MYO10: variants seen among roughly 807,000 people sequenced by gnomAD.
MYO10 encodes the protein unconventional myosin-X.
In MYO10, 133 loss-of-function variants were observed where a neutral mutation model predicts 257.3. The observed-to-expected ratio is 0.52, with a 90% confidence interval of 0.45 to 0.60. The LOEUF (loss-of-function observed/expected upper bound fraction) is 0.60, where lower values mean the gene tolerates loss of function less well. MYO10 is among the 20% of genes least tolerant of loss of function. The pLI, the probability that MYO10 is intolerant of heterozygous loss-of-function variation, is 0.00. For missense variants in MYO10, 2,399 were observed against 2,635.7 expected (o/e 0.91, Z 1.97); for synonymous variants, 1,104 against 1,028.6 (o/e 1.07, Z -1.40).
intron 40 of MYO10, among the ~76,000 whole-genome samples, chr5:16,667,308 T>A (rs752329957): frequency 1.6e-4 from 25 of 152,134 alleles, no homozygotes; most frequent in Non-Finnish European, 3.1e-4. Context: ...ACCAGCCACC[T>A]CCTCCAGCTG....
At chr5:16,849,465 TA>T (rs1743736520) in intron 2 of MYO10, among the ~76,000 whole-genome samples, 1 of 152,176 alleles carries the variant, frequency 6.6e-6, no homozygotes, top group South Asian at 2.1e-4. Context: ...AGAAGGGAAT[TA>T]AGTGGATATA....
At chr5:16,768,087 C>G (rs1217668701) in intron 10 of MYO10, among the ~76,000 whole-genome samples, 1 of 152,074 alleles carries the variant, frequency 6.6e-6, no homozygotes, top group Non-Finnish European at 1.5e-5. Flanking sequence ...CTGGGTAGAA[C>G]CAGACATTTG....
At chr5:16,811,635 A>C (rs1320100530) in intron 3 of MYO10, among the ~76,000 whole-genome samples, 2 of 152,018 alleles carry the variant, frequency 1.3e-5, no homozygotes, top group Non-Finnish European at 2.9e-5. Context: ...CTGCTGCCTC[A>C]ACCTCCCCGG....
intron 19 of MYO10, among the ~76,000 whole-genome samples, chr5:16,747,418 T>C (rs898262332): frequency 5.3e-5 from 8 of 152,330 alleles, no homozygotes; most frequent in Admixed American, 2.0e-4. Flanking sequence ...ATTTCTACAA[T>C]GTACCATGAT....
rs1736651937 is a variant in MYO10, at chr5:16,674,879, G to C, written c.4938C>G (p.Leu1646=). 2 of 1,613,772 alleles carry C rather than the reference G, an allele frequency of 1.2e-6. No individual in the cohort carries two copies. The highest frequency in any genetic ancestry group is 3.3e-5 in the Admixed American group (2 of 59,994). Residue 1646 remains leucine, a synonymous_variant, in exon 35 of 41, where the codon CTC becomes CTG. Coordinates refer to ENST00000513610, the MANE Select transcript of MYO10 (RefSeq NM_012334.3). ...SCTFLPSRGI[L]KYLKFHLKRI... ...TTTTCAGATGGAACTTGAGATACTT[G>C]AGAATCCCTCGACTCGGCAGGAAGG...
intron 1 of MYO10, among the ~76,000 whole-genome samples, chr5:16,903,056 A>G (rs1237985311): frequency 2.0e-5 from 3 of 152,210 alleles, no homozygotes; most frequent in Non-Finnish European, 4.4e-5. Context: ...CCTCTGTCCT[A>G]AACGCTTCAC....
chr5:16,908,584 A>G (rs1023928990), intron 1 of MYO10, among the ~76,000 whole-genome samples: 1 of 152,212 alleles, frequency 6.6e-6, no homozygotes, highest in Non-Finnish European at 1.5e-5. Flanking sequence ...TACAAAGTGG[A>G]GCCTTTGGGA....
At chr5:16,834,051 T>C (rs368731191) in intron 2 of MYO10, among the ~76,000 whole-genome samples, 9 of 152,258 alleles carry the variant, frequency 5.9e-5, no homozygotes, top group African/African-American at 2.2e-4. Flanking sequence ...CCTGCCAAGC[T>C]GACTCCATAC....
intron 19 of MYO10, among the ~76,000 whole-genome samples, chr5:16,715,636 A>T (rs1276157624): frequency 1.3e-5 from 2 of 151,598 alleles, no homozygotes; most frequent in East Asian, 3.9e-4. Context: ...AATGTTCTAA[A>T]ATTGACTCTG....
In MYO10 at chr5:16,672,652, A is replaced by G. The variant is rs1261089589; in HGVS notation, c.5309+37T>C. On this transcript the variant is annotated intron_variant, in intron 37 of 40. Coordinates refer to ENST00000513610, the MANE Select transcript of MYO10 (RefSeq NM_012334.3). ...TGAACCCTGCTCTGCAATTTCTCTT[A>G]TTTGCTCTTCTGACACAGTAGGGAA... 3.1e-6 allele frequency: 5 copies of G among 1,612,264 alleles called. No homozygotes were observed. The Admixed American group carries it at 8.3e-5, about 27-fold the overall frequency.
At chr5:16,748,081 TTTTC>T (rs541289854) in intron 19 of MYO10, among the ~76,000 whole-genome samples, 6 of 152,118 alleles carry the variant, frequency 3.9e-5, no homozygotes, top group South Asian at 2.1e-4. Context: ...GTCTTTGTTT[TTTTC>T]TTTGAGACAG....
chr5:16,911,755 T>G (rs568902911), intron 1 of MYO10, among the ~76,000 whole-genome samples: 1 of 151,914 alleles, frequency 6.6e-6, no homozygotes, highest in East Asian at 1.9e-4. Flanking sequence ...CAACAAAAAT[T>G]GGCCAGCCGC....
intron 2 of MYO10, among the ~76,000 whole-genome samples, chr5:16,823,791 C>T (rs1005337665): frequency 3.4e-5 from 5 of 147,632 alleles, no homozygotes; most frequent in African/African-American, 5.0e-5. Context: ...GGGCGGGGGG[C>T]GGTTATTTTT....
rs893145105 is a variant in MYO10 at position 16,715,395 on chromosome 5, T to A, written c.1930-4150A>T. 4.9e-3 allele frequency among the ~76,000 whole-genome samples: 662 copies of A among 134,480 alleles called. 1 individual carries two copies. The highest frequency in any genetic ancestry group is 0.018 in the African/African-American group (623 of 34,034). 88.2% of individuals were successfully genotyped at this position (134,480 alleles called of 152,430 possible). ...GCGATGGTGCCGTAAGATTGAAATT[T>A]TTTTTTTTTTTTTTTTTTTTTTGAG... is the stretch of plus-strand genomic sequence containing the variant. On this transcript the variant is annotated intron_variant, in intron 19 of 40. Coordinates refer to ENST00000513610, the MANE Select transcript of MYO10 (RefSeq NM_012334.3).
At chr5:16,879,185 C>A (rs1744692287) in intron 1 of MYO10, among the ~76,000 whole-genome samples, 1 of 152,116 alleles carries the variant, frequency 6.6e-6, no homozygotes, top group Non-Finnish European at 1.5e-5. Flanking sequence ...TGACATAGCA[C>A]TTGATTTTTT....
intron 2 of MYO10, among the ~76,000 whole-genome samples, chr5:16,862,233 C>T (rs745697754): frequency 4.0e-4 from 61 of 152,198 alleles, no homozygotes; most frequent in Non-Finnish European, 6.6e-4. Context: ...AATGAGGCAA[C>T]AAGAGGGCTT....
At chr5:16,799,272 T>C (rs952711370) in intron 3 of MYO10, among the ~76,000 whole-genome samples, 2 of 149,490 alleles carry the variant, frequency 1.3e-5, no homozygotes, top group African/African-American at 4.9e-5. Flanking sequence ...GAAGACAAAG[T>C]GGCATTAAGC....
chr5:16,766,408 G>T, intron 10 of MYO10, among the ~76,000 whole-genome samples: 1 of 152,150 alleles, frequency 6.6e-6, no homozygotes, highest in East Asian at 1.9e-4. Flanking sequence ...GGAATCCTAT[G>T]GGTGTCCCCA....
Position 16,767,465 on chromosome 5 carries a change from C to T in MYO10, c.1061-1267G>A, listed in dbSNP as rs974138761. On this transcript the variant is annotated intron_variant, in intron 10 of 40. Transcript: ENST00000513610. ...CTGGGATTACAGGTAGAAGCCACTG[C>T]GCCCAGCCCCCAACTGTCTTTCAAT... Among the ~76,000 whole-genome samples the T allele has an allele frequency of 4.0e-5, 6 of 151,870 alleles. No homozygotes were observed. The South Asian group carries it at 6.2e-4, about 16-fold the overall frequency.
Sources: allele counts gnomAD v4.1 joint callset (sites outside exome capture counted in the v4.1 genomes callset), GRCh38; gene constraint gnomAD v4.1.1; transcripts MANE v1.5; gene names NCBI Gene and HGNC (gene_info 2026-07-23, HGNC 2026-07-21).